The following OR1B1 variants were observed in gnomAD, a reference collection of about 807,000 sequenced individuals.
The protein encoded by OR1B1 is olfactory receptor 1B1.
For missense variants in OR1B1, 414 were observed against 402.1 expected (o/e 1.03, Z -0.25); for synonymous variants, 168 against 156.2 (o/e 1.08, Z -0.57).
rs774488054 is a variant in OR1B1, at chr9:122,629,339, C to T, written c.197G>A (p.Arg66His). ...CCCCATGTCTATCACAGAGAGGCCA[C>T]GAAGCAGATAATACATGGGTGAGTG... Residue 66 changes from arginine (R) to histidine (H), a missense_variant, in exon 1 of 1, where the codon CGT (arginine) becomes CAT (histidine). Coordinates refer to ENST00000623530, the Ensembl canonical transcript of OR1B1. The T allele has an allele frequency of 9.9e-6, 16 of 1,613,998 alleles. No individual in the cohort carries two copies. The East Asian group carries it at 2.9e-4, about 29-fold the overall frequency.
the OR1B1 span, among the ~76,000 whole-genome samples, chr9:122,638,279 A>G: frequency 6.6e-6 from 1 of 152,208 alleles, no homozygotes; most frequent in South Asian, 2.1e-4. Flanking sequence ...TTTCAAGGTA[A>G]GAACTGAAAC....
the OR1B1 span, among the ~76,000 whole-genome samples, chr9:122,652,365 A>G: frequency 6.6e-6 from 1 of 152,198 alleles, no homozygotes; most frequent in African/African-American, 2.4e-5. Context: ...AAATTAGTTA[A>G]TGTCATTTTG....
upstream of OR1B1, among the ~76,000 whole-genome samples, chr9:122,634,277 G>A (rs962389611): frequency 6.6e-6 from 1 of 150,962 alleles, no homozygotes; most frequent in South Asian, 2.1e-4. Flanking sequence ...TGGAGGTTGT[G>A]GTGAGCAGAG....
upstream of OR1B1, among the ~76,000 whole-genome samples, chr9:122,631,854 C>T (rs147473097): frequency 1.1e-4 from 16 of 152,248 alleles, no homozygotes; most frequent in African/African-American, 2.6e-4. Flanking sequence ...AAATTCAGAT[C>T]GCTCAGTCTG....
At chr9:122,640,567 A>G in the OR1B1 span, among the ~76,000 whole-genome samples, 3 of 152,200 alleles carry the variant, frequency 2.0e-5, no homozygotes, top group Admixed American at 6.5e-5. Flanking sequence ...TGGGCGGGAA[A>G]TGAAGATTTA....
chr9:122,652,699 G>T, the OR1B1 span, among the ~76,000 whole-genome samples: 3 of 149,304 alleles, frequency 2.0e-5, no homozygotes, highest in Admixed American at 6.7e-5. Flanking sequence ...GTTTGTTGTT[G>T]TTTTTTTTTC....
chr9:122,648,135 T>C, the OR1B1 span, among the ~76,000 whole-genome samples: 3,382 of 152,236 alleles, frequency 0.022, 120 homozygotes, highest in African/African-American at 0.076. Context: ...ATTTCCCTGA[T>C]GAACATTGAT....
the OR1B1 span, among the ~76,000 whole-genome samples, chr9:122,642,818 T>C: frequency 6.6e-6 from 1 of 152,198 alleles, no homozygotes; most frequent in African/African-American, 2.4e-5. Flanking sequence ...AAATTGAATA[T>C]AATTCTAGGC....
the OR1B1 span, among the ~76,000 whole-genome samples, chr9:122,641,328 A>G: frequency 6.6e-6 from 1 of 152,352 alleles, no homozygotes; most frequent in Admixed American, 6.5e-5. Context: ...CTGTTAATTG[A>G]GTGTTTCTTC....
the OR1B1 span, among the ~76,000 whole-genome samples, chr9:122,644,304 AC>A: frequency 6.6e-6 from 1 of 152,182 alleles, no homozygotes; most frequent in Non-Finnish European, 1.5e-5. Context: ...TTTAAGCAAA[AC>A]TTGGCAGTGG....
At chr9:122,649,496 C>A in the OR1B1 span, among the ~76,000 whole-genome samples, 2 of 152,248 alleles carry the variant, frequency 1.3e-5, no homozygotes, top group South Asian at 2.1e-4. Flanking sequence ...ATTTTGCAAT[C>A]TATCCATCTG....
At chr9:122,643,723 T>C in the OR1B1 span, among the ~76,000 whole-genome samples, 12 of 152,198 alleles carry the variant, frequency 7.9e-5, no homozygotes, top group African/African-American at 2.9e-4. Flanking sequence ...CTTCTGCTTA[T>C]GGAGAGGAGA....
At chr9:122,649,453 G>A in the OR1B1 span, among the ~76,000 whole-genome samples, 1 of 152,138 alleles carries the variant, frequency 6.6e-6, no homozygotes, top group African/African-American at 2.4e-5. Flanking sequence ...ACTATCATCA[G>A]AGTGAACAGG....
chr9:122,634,484 G>A (rs1456647670), upstream of OR1B1, among the ~76,000 whole-genome samples: 2 of 152,158 alleles, frequency 1.3e-5, no homozygotes, highest in Non-Finnish European at 2.9e-5. Context: ...CAATCATGGT[G>A]GAGGGCAAAG....
chr9:122,654,819 T>A, the OR1B1 span, among the ~76,000 whole-genome samples: 1 of 152,224 alleles, frequency 6.6e-6, no homozygotes, highest in Non-Finnish European at 1.5e-5. Flanking sequence ...TCCTCTAGAT[T>A]TATCCATGTT....
the OR1B1 span, among the ~76,000 whole-genome samples, chr9:122,653,502 GGTAAAT>G: frequency 6.6e-6 from 1 of 152,058 alleles, no homozygotes; most frequent in Non-Finnish European, 1.5e-5. Flanking sequence ...ATTGACACAT[GGTAAAT>G]ACAATATAAG....
chr9:122,628,594 C>T, exon 1 of OR1B1: 2 of 1,604,766 alleles, frequency 1.2e-6, no homozygotes, highest in Non-Finnish European at 1.7e-6. Flanking sequence ...GGTCTACCTT[C>T]ACCCATTCAA....
the OR1B1 span, among the ~76,000 whole-genome samples, chr9:122,656,720 A>C: frequency 1.3e-5 from 2 of 152,252 alleles, no homozygotes; most frequent in African/African-American, 4.8e-5. Context: ...ATCATTTCAC[A>C]GTCTACAAAC....
upstream of OR1B1, among the ~76,000 whole-genome samples, chr9:122,631,119 T>C (rs548764284): frequency 1.3e-5 from 2 of 152,280 alleles, no homozygotes; most frequent in Non-Finnish European, 2.9e-5. Flanking sequence ...ATGAGGTATG[T>C]AATACAATCA....
Sources: gnomAD v4.1 joint callset for allele counts (sites outside exome capture counted in the v4.1 genomes callset) on GRCh38, gnomAD v4.1.1 for gene constraint, MANE v1.5 for transcripts, NCBI Gene and HGNC (gene_info 2026-07-23, HGNC 2026-07-21) for gene names.